The following PCDH9 variants were observed in gnomAD, a reference collection of about 807,000 sequenced individuals.
The protein encoded by PCDH9 is protocadherin-9.
PCDH9 carries 24 observed loss-of-function variants against 70.6 expected under a neutral mutation model. That is an observed-to-expected ratio of 0.34 (90% CI 0.25 to 0.48). PCDH9 has a LOEUF of 0.48. Among genes scored for constraint, PCDH9 ranks in the 20% least tolerant of loss-of-function variants. The pLI, the probability that PCDH9 is intolerant of heterozygous loss-of-function variation, is 0.99. For synonymous variants in PCDH9, 562 were observed against 558.5 expected, an observed-to-expected ratio of 1.01 and a Z score of -0.09; for missense variants, 1,281 against 1,503.6, an observed-to-expected ratio of 0.85 and a Z score of 2.45.
At chr13:66,931,994 A>G (rs1042560851) in intron 2 of PCDH9, among the ~76,000 whole-genome samples, 5 of 152,130 alleles carry the variant, frequency 3.3e-5, no homozygotes, top group Admixed American at 2.6e-4. Flanking sequence ...GTGTTTGAAT[A>G]AAACAGTTAT....
intron 4 of PCDH9, among the ~76,000 whole-genome samples, chr13:66,451,601 A>G (rs1187173483): frequency 2.6e-5 from 4 of 152,190 alleles, no homozygotes; most frequent in African/African-American, 4.8e-5. Flanking sequence ...TTATATTCAA[A>G]ACACTAGCAC....
At chr13:66,325,640 T>C (rs1427750707) in intron 4 of PCDH9, among the ~76,000 whole-genome samples, 1 of 152,090 alleles carries the variant, frequency 6.6e-6, no homozygotes, top group Non-Finnish European at 1.5e-5. Flanking sequence ...AATGATCGTG[T>C]GCACTTGCAT....
At chr13:66,566,480 G>T (rs1433664720) in intron 4 of PCDH9, among the ~76,000 whole-genome samples, 2 of 152,098 alleles carry the variant, frequency 1.3e-5, no homozygotes, top group Admixed American at 1.3e-4. Context: ...TAAAGAAATA[G>T]CAATAAGGTC....
At chr13:66,461,438 T>C (rs1365602861) in intron 4 of PCDH9, among the ~76,000 whole-genome samples, 2 of 151,516 alleles carry the variant, frequency 1.3e-5, no homozygotes, top group Non-Finnish European at 3.0e-5. Context: ...ATATTGAACT[T>C]GAAAAAAAAG....
intron 4 of PCDH9, among the ~76,000 whole-genome samples, chr13:66,535,830 A>G (rs1454694260): frequency 6.6e-6 from 1 of 152,038 alleles, no homozygotes; most frequent in East Asian, 1.9e-4. Flanking sequence ...CAAGAACCAT[A>G]TGATATCATT....
intron 2 of PCDH9, among the ~76,000 whole-genome samples, chr13:67,037,517 C>T (rs1020759446): frequency 2.0e-5 from 3 of 152,062 alleles, no homozygotes; most frequent in African/African-American, 7.2e-5. Flanking sequence ...TTATCATGAC[C>T]CAAATTGACA....
rs74093089 is a variant in PCDH9, at chr13:66,424,531, C to T, written c.3341-119503G>A. ...CCTAAAACTTCATCATCTATATGTG[C>T]AAAAGACTGCAAAGTCTAAACTGAA... On this transcript the variant is annotated intron_variant, in intron 4 of 4. Transcript: ENST00000377865. 8.2e-3 allele frequency among the ~76,000 whole-genome samples: 1,240 copies of T among 152,002 alleles called. 16 individuals carry two copies. Among genetic ancestry groups the T allele is most frequent in the African/African-American group, 0.028 (1,180 of 41,512 alleles).
Position 66,847,564 on chromosome 13 carries a change from C to A in PCDH9, c.3138+55940G>T, listed in dbSNP as rs2081233550. ...GAAGATTCATTCTTACAGATCTTAGCAATCTCAGCATACTATTTTTTTCCT... is the reference window on the plus strand; with the variant it reads ...GAAGATTCATTCTTACAGATCTTAGAAATCTCAGCATACTATTTTTTTCCT... On this transcript the variant is annotated intron_variant, in intron 3 of 4. Transcript: ENST00000377865. 2.0e-5 allele frequency among the ~76,000 whole-genome samples: 3 copies of A among 151,632 alleles called. No individual in the cohort carries two copies. The South Asian group carries it at 6.2e-4, about 31-fold the overall frequency.
At chr13:67,221,820 G>T (rs933562464) in intron 2 of PCDH9, 1 of 152,148 alleles carries the variant, frequency 6.6e-6, no homozygotes, top group Non-Finnish European at 1.5e-5. Flanking sequence ...CTGTCAATAA[G>T]TGGGCTGAGA....
At chr13:66,997,481 A>G (rs2084142039) in intron 2 of PCDH9, among the ~76,000 whole-genome samples, 1 of 151,762 alleles carries the variant, frequency 6.6e-6, no homozygotes, top group Non-Finnish European at 1.5e-5. Flanking sequence ...ACCACCCATT[A>G]GGCTCGTCAC....
At chr13:66,622,872 C>T (rs1281460489) in intron 4 of PCDH9, among the ~76,000 whole-genome samples, 1 of 152,204 alleles carries the variant, frequency 6.6e-6, no homozygotes, top group Non-Finnish European at 1.5e-5. Context: ...TTTGTGTCCA[C>T]ACTGCCTTTA....
intron 4 of PCDH9, among the ~76,000 whole-genome samples, chr13:66,476,550 G>T (rs1958733335): frequency 6.6e-6 from 1 of 151,936 alleles, no homozygotes. Flanking sequence ...AAATGAGAAA[G>T]ACGAGTATAC....
intron 4 of PCDH9, among the ~76,000 whole-genome samples, chr13:66,385,915 C>T (rs1956919761): frequency 6.6e-6 from 1 of 150,696 alleles, no homozygotes; most frequent in Admixed American, 6.6e-5. Flanking sequence ...CTTCGGTGGA[C>T]AGGCATGTAT....
chr13:66,465,301 T>C (rs1166625816), intron 4 of PCDH9, among the ~76,000 whole-genome samples: 1 of 151,824 alleles, frequency 6.6e-6, no homozygotes. Context: ...AGTCCAGAAA[T>C]TTACATATAG....
At chr13:66,794,977 G>A (rs61959183) in intron 3 of PCDH9, among the ~76,000 whole-genome samples, 10 of 147,394 alleles carry the variant, frequency 6.8e-5, no homozygotes, top group South Asian at 2.2e-4. Flanking sequence ...ACACACACAG[G>A]CACACACACA....
chr13:66,479,199 CTG>C (rs999146884), intron 4 of PCDH9, among the ~76,000 whole-genome samples: 14 of 152,200 alleles, frequency 9.2e-5, no homozygotes, highest in Non-Finnish European at 1.9e-4. Flanking sequence ...CATTGAGACT[CTG>C]TGCTCAGGAA....
At chr13:66,937,554 A>G (rs1421590689) in intron 2 of PCDH9, among the ~76,000 whole-genome samples, 2 of 152,238 alleles carry the variant, frequency 1.3e-5, no homozygotes, top group Non-Finnish European at 2.9e-5. Context: ...CAAACTAAGT[A>G]TGACCTGAGT....
At chr13:67,201,934 C>A (rs1305876911) in intron 2 of PCDH9, 2 of 152,054 alleles carry the variant, frequency 1.3e-5, no homozygotes, top group East Asian at 3.9e-4. Flanking sequence ...CATTATAGTA[C>A]AACAAGTGAG....
At chr13:67,086,947 C>T (rs1042014566) in intron 2 of PCDH9, among the ~76,000 whole-genome samples, 2 of 152,000 alleles carry the variant, frequency 1.3e-5, no homozygotes, top group Admixed American at 1.3e-4. Context: ...CTACTCTTGA[C>T]AAGATTTTTT....
Sources: allele counts gnomAD v4.1 joint callset (sites outside exome capture counted in the v4.1 genomes callset), GRCh38; gene constraint gnomAD v4.1.1; transcripts MANE v1.5; gene names NCBI Gene and HGNC (gene_info 2026-07-23, HGNC 2026-07-21).